RUNX1T1: variants seen among roughly 807,000 people sequenced by gnomAD.
The protein encoded by RUNX1T1 is protein CBFA2T1.
In RUNX1T1, 4 loss-of-function variants were observed where a neutral mutation model predicts 62.8. The observed-to-expected ratio is 0.06, with a 90% CI of 0.03 to 0.15. RUNX1T1 has a LOEUF of 0.15. RUNX1T1 is among the 10% of genes least tolerant of loss of function. The pLI is 1.00. For synonymous variants in RUNX1T1, 291 were observed against 286.0 expected (o/e 1.02, Z -0.18); for missense variants, 508 against 754.3 (o/e 0.67, Z 3.82).
At chr8:92,013,261 G>T (rs1159822839) in intron 3 of RUNX1T1, among the ~76,000 whole-genome samples, 4 of 152,224 alleles carry the variant, frequency 2.6e-5, no homozygotes, top group Non-Finnish European at 4.4e-5. Flanking sequence ...CACACCTTTT[G>T]TGAAAATCAC....
At chr8:92,050,356 T>C (rs376671863) in intron 1 of RUNX1T1, among the ~76,000 whole-genome samples, 25 of 152,150 alleles carry the variant, frequency 1.6e-4, no homozygotes, top group Non-Finnish European at 2.2e-4. Context: ...CAGAAACAGA[T>C]TTCCAACTGG....
intron 1 of RUNX1T1, among the ~76,000 whole-genome samples, chr8:92,047,092 G>T (rs971919239): frequency 6.6e-6 from 1 of 152,070 alleles, no homozygotes; most frequent in Non-Finnish European, 1.5e-5. Context: ...TCCTGACAAT[G>T]GCCTTCAAGA....
At chr8:92,074,054 T>A (rs1024972027) in intron 2 of RUNX1T1, among the ~76,000 whole-genome samples, 20 of 152,102 alleles carry the variant, frequency 1.3e-4, no homozygotes, top group African/African-American at 4.1e-4. Flanking sequence ...AGTTACAAAA[T>A]AGGTCAATAC....
At chr8:91,964,227 A>G (rs1157684994) in intron 10 of RUNX1T1, among the ~76,000 whole-genome samples, 2 of 152,180 alleles carry the variant, frequency 1.3e-5, no homozygotes, top group Non-Finnish European at 2.9e-5. Context: ...CCTAAGAAAA[A>G]CATTTAGAGA....
At chr8:92,006,454 A>G (rs2131037939) in intron 4 of RUNX1T1, 1 of 152,262 alleles carries the variant, frequency 6.6e-6, no homozygotes, top group Middle Eastern at 3.4e-3. Flanking sequence ...TCAGGTAGAA[A>G]AGCATTTCTG....
chr8:92,036,100 G>A (rs564317545), intron 1 of RUNX1T1, among the ~76,000 whole-genome samples: 2 of 152,198 alleles, frequency 1.3e-5, no homozygotes, highest in African/African-American at 4.8e-5. Context: ...CACTTACTAG[G>A]AATCATTTAT....
chr8:92,051,891 T>TA (rs113781343), intron 1 of RUNX1T1, among the ~76,000 whole-genome samples: 156 of 142,734 alleles, frequency 1.1e-3, no homozygotes, highest in South Asian at 2.0e-3. Flanking sequence ...TCATGCTCTT[T>TA]AAAAAAAAAA....
chr8:92,082,501 T>C (rs938032894), intron 1 of RUNX1T1, among the ~76,000 whole-genome samples: 27 of 152,138 alleles, frequency 1.8e-4, no homozygotes, highest in Non-Finnish European at 7.4e-5. Context: ...TAAGACAATA[T>C]GAAAACATCA....
At chr8:91,990,739 C>T (rs1444721487) in intron 6 of RUNX1T1, among the ~76,000 whole-genome samples, 1 of 151,532 alleles carries the variant, frequency 6.6e-6, no homozygotes, top group African/African-American at 2.4e-5. Flanking sequence ...CTAACTGTAA[C>T]CTCTGCTTCC....
chr8:92,060,545 A>ATGTGTGTG (rs1317671685), intron 1 of RUNX1T1, among the ~76,000 whole-genome samples: 8 of 103,758 alleles, frequency 7.7e-5, no homozygotes, highest in Middle Eastern at 5.7e-3. Flanking sequence ...ATATATATAT[A>ATGTGTGTG]TATATATATG....
upstream of RUNX1T1, among the ~76,000 whole-genome samples, chr8:92,100,827 T>C (rs761458457): frequency 2.0e-5 from 3 of 152,254 alleles, no homozygotes; most frequent in Non-Finnish European, 4.4e-5. Flanking sequence ...CTTCTGTGTA[T>C]ACACATCACA....
intron 5 of RUNX1T1, among the ~76,000 whole-genome samples, chr8:91,993,384 T>C (rs1818055480): frequency 6.6e-6 from 1 of 152,118 alleles, no homozygotes; most frequent in Non-Finnish European, 1.5e-5. Context: ...ACAGAAGGTA[T>C]AGGCATAGAA....
At chr8:92,033,178 G>A (rs1289733223) in intron 1 of RUNX1T1, among the ~76,000 whole-genome samples, 2 of 151,952 alleles carry the variant, frequency 1.3e-5, no homozygotes, top group Non-Finnish European at 2.9e-5. Flanking sequence ...TTCATAATGA[G>A]GAAACTGGAA....
intron 8 of RUNX1T1, among the ~76,000 whole-genome samples, chr8:91,982,392 G>A (rs1815524738): frequency 6.6e-6 from 1 of 152,092 alleles, no homozygotes; most frequent in Non-Finnish European, 1.5e-5. Flanking sequence ...AATGTCAGGA[G>A]CCAAGAAAGT....
intron 5 of RUNX1T1, 34 bp downstream of exon 6, chr8:92,005,082 G>T: frequency 6.4e-7 from 1 of 1,555,366 alleles, no homozygotes; most frequent in Non-Finnish European, 8.7e-7. Flanking sequence ...TGGGAAAAAG[G>T]TCATGGTTCA....
chr8:92,060,821 G>C (rs913862526), intron 1 of RUNX1T1, among the ~76,000 whole-genome samples: 1 of 152,074 alleles, frequency 6.6e-6, no homozygotes, highest in Admixed American at 6.6e-5. Flanking sequence ...AAATAGCCAA[G>C]TGTCAAATCT....
At chr8:92,101,989 T>A (rs1200740854), upstream of RUNX1T1, among the ~76,000 whole-genome samples, 1 of 152,208 alleles carries the variant, frequency 6.6e-6, no homozygotes, top group Non-Finnish European at 1.5e-5. Flanking sequence ...TATCCGGACG[T>A]GGCTCCAAGT....
At chr8:91,984,260 C>T (rs766039184) in intron 8 of RUNX1T1, among the ~76,000 whole-genome samples, 10 of 152,178 alleles carry the variant, frequency 6.6e-5, no homozygotes, top group Middle Eastern at 3.4e-3. Flanking sequence ...ATGATATATA[C>T]CTATATCACC....
intron 4 of RUNX1T1, among the ~76,000 whole-genome samples, chr8:92,007,891 C>T (rs2131055300): frequency 6.7e-6 from 1 of 150,246 alleles, no homozygotes; most frequent in South Asian, 2.1e-4. Context: ...CTGTTTGAAC[C>T]CAAGAGGTCG....
Sources: allele counts gnomAD v4.1 joint callset (sites outside exome capture counted in the v4.1 genomes callset), GRCh38; gene constraint gnomAD v4.1.1; transcripts MANE v1.5; gene names NCBI Gene and HGNC (gene_info 2026-07-23, HGNC 2026-07-21).